The following GAS6 variants were observed in gnomAD, a reference collection of about 807,000 sequenced individuals.
GAS6 encodes the protein growth arrest specific 6, also known as growth arrest-specific protein 6.
GAS6 carries 41 observed loss-of-function variants against 75.8 expected under a neutral mutation model. That is an observed-to-expected ratio of 0.54 (90% CI 0.42 to 0.70). GAS6 has a LOEUF of 0.70. GAS6 is among the 30% of genes least tolerant of loss of function. The probability of loss-of-function intolerance (pLI) is 0.00; values close to 1 mark genes in which losing one functional copy is unlikely to be tolerated. For synonymous variants in GAS6, 432 were observed against 412.6 expected, an observed-to-expected ratio of 1.05 and a Z score of -0.57; for missense variants, 854 against 940.2, an observed-to-expected ratio of 0.91 and a Z score of 1.20.
At chr13:113,835,684 CG>C (rs778397598) in intron 6 of GAS6, 49 bp from the exon 7 acceptor site, 284 of 1,599,544 alleles carry the variant, frequency 1.8e-4, no homozygotes, top group Non-Finnish European at 2.3e-4. Context: ...GCATCTCAGA[CG>C]GGGCTGGGGC....
intron 10 of GAS6, among the ~76,000 whole-genome samples, chr13:113,831,548 C>G (rs549399189): frequency 6.6e-6 from 1 of 152,164 alleles, no homozygotes; most frequent in South Asian, 2.1e-4. Context: ...AGCATGGCCT[C>G]CAGACACAGC....
chr13:113,846,640 A>G, intron 3 of GAS6, 51 bp from the exon 4 acceptor site: 1 of 1,488,004 alleles, frequency 6.7e-7, no homozygotes, highest in Non-Finnish European at 9.4e-7. Flanking sequence ...GACCGGATGG[A>G]CTGCAGAGCC....
At position 113,863,566 on chromosome 13, in the gene GAS6, G is replaced by T; in HGVS notation, c.255+9C>A. 3 of 1,504,394 alleles carry T rather than the reference G, an allele frequency of 2.0e-6. No individual in the cohort carries two copies. Among genetic ancestry groups the T allele is most frequent in the Non-Finnish European group, 1.8e-6 (2 of 1,130,604 alleles). 93.2% of individuals were successfully genotyped at this position (1,504,394 alleles called of 1,614,324 possible). A position where few individuals can be genotyped will look rare whatever the true frequency, so the allele number is the denominator to read the frequency against. On this transcript the variant is annotated intron_variant, in intron 2 of 14. Coordinates refer to ENST00000327773, the MANE Select transcript of GAS6 (RefSeq NM_000820.4). This position sits in a 1 kb window ranked among gnomAD's most constrained non-coding sequence, Gnocchi z 9.4. ...GGGTTCCCCCGCATCCCGCCCGCCG[G>T]CTGCTCACCGTCTCGGGGTCGTTCT...
At chr13:113,821,683 A>T (rs1254567572) in intron 14 of GAS6, 4 of 479,232 alleles carry the variant, frequency 8.3e-6, no homozygotes, top group African/African-American at 7.8e-5. Context: ...ATGGGTGTGG[A>T]CGAATGCTCC....
At chr13:113,858,616 T>C (rs937904494) in intron 2 of GAS6, among the ~76,000 whole-genome samples, 5 of 146,206 alleles carry the variant, frequency 3.4e-5, no homozygotes, top group African/African-American at 1.3e-4. Flanking sequence ...TGTCTGTGTG[T>C]GCCTATGTAT....
At chr13:113,860,352 T>A (rs915539669) in intron 2 of GAS6, among the ~76,000 whole-genome samples, 1 of 152,186 alleles carries the variant, frequency 6.6e-6, no homozygotes, top group Admixed American at 6.5e-5. Context: ...ACAGCCTGGA[T>A]GATTTTCCGG....
chr13:113,828,132 C>A (rs9577869), intron 11 of GAS6, among the ~76,000 whole-genome samples: 1 of 151,806 alleles, frequency 6.6e-6, no homozygotes, highest in Non-Finnish European at 1.5e-5. Context: ...GACGTGGTGG[C>A]GGGCGCCTGT....
At position 113,835,949 on chromosome 13, in the gene GAS6, G is replaced by C; in HGVS notation, c.590-314C>G. 3.5e-6 allele frequency: 4 copies of C among 1,145,050 alleles called. No homozygotes were observed. The South Asian group carries it at 1.5e-4, about 43-fold the overall frequency. The allele number at this position is 1,145,050 out of a possible 1,614,324, so 70.9% of individuals were successfully genotyped here. On this transcript the variant is annotated intron_variant, in intron 6 of 14. Coordinates refer to ENST00000327773, the MANE Select transcript of GAS6 (RefSeq NM_000820.4). ...GCTGTGCTGTTCCATTTAAATGACG[G>C]TGCTACAGGACACGGGGCCGTAAAA...
intron 5 of GAS6, 131 bp downstream of exon 5, chr13:113,839,597 G>T: frequency 8.3e-7 from 1 of 1,200,234 alleles, no homozygotes; most frequent in Non-Finnish European, 1.2e-6. Context: ...ATACCTCAGG[G>T]CTGCAGCCTC....
rs567431358 is a variant in GAS6, at chr13:113,835,684, C to T, written c.590-49G>A. On this transcript the variant is annotated intron_variant, in intron 6 of 14. Coordinates refer to ENST00000327773, the MANE Select transcript of GAS6 (RefSeq NM_000820.4). ...AACCGCAGCACAGCGGCATCTCAGACGGGGCTGGGGCAGGCGGCTGCAGGG... is the reference window on the plus strand; with the variant it reads ...AACCGCAGCACAGCGGCATCTCAGATGGGGCTGGGGCAGGCGGCTGCAGGG... 19 of 1,599,662 alleles carry T rather than the reference C, an allele frequency of 1.2e-5. 1 individual carries two copies. The South Asian group carries it at 2.0e-4, about 17-fold the overall frequency.
intron 10 of GAS6, among the ~76,000 whole-genome samples, chr13:113,831,743 G>A (rs909941005): frequency 6.6e-6 from 1 of 151,768 alleles, no homozygotes; most frequent in African/African-American, 2.4e-5. Context: ...AAACGGGGCA[G>A]GGGTCCCCGT....
At chr13:113,857,748 G>A (rs1393605491) in intron 2 of GAS6, among the ~76,000 whole-genome samples, 2 of 152,208 alleles carry the variant, frequency 1.3e-5, no homozygotes, top group South Asian at 2.1e-4. Context: ...GACGTTCAGC[G>A]TTTCTCAAAA....
chr13:113,836,095 G>A, intron 6 of GAS6: 2 of 974,568 alleles, frequency 2.1e-6, no homozygotes, highest in South Asian at 9.6e-5. Context: ...ATCTAATGTG[G>A]GACAGATGCT....
At position 113,821,037 on chromosome 13, in the gene GAS6, A is replaced by T; in HGVS notation, c.1883-19T>A. ...GGCACATCTGGGCCGCAGGGAGAGA[A>T]CAACATATCTTAGCTCACCACGTGG... On this transcript the variant is annotated intron_variant, in intron 14 of 14. Coordinates refer to ENST00000327773, the MANE Select transcript of GAS6 (RefSeq NM_000820.4). 1 of 1,610,402 alleles carries T rather than the reference A, an allele frequency of 6.2e-7. No homozygotes were observed. The highest frequency in any genetic ancestry group is 8.5e-7 in the Non-Finnish European group (1 of 1,178,448).
intron 2 of GAS6, among the ~76,000 whole-genome samples, chr13:113,851,581 GTGAC>G (rs147051734): frequency 0.031 from 4,646 of 151,980 alleles, 246 homozygotes; most frequent in African/African-American, 0.11. Context: ...GGGTGAATGG[GTGAC>G]TGGATGGATG....
chr13:113,832,753 C>T lies in GAS6; in HGVS notation c.835-1G>A, dbSNP rs1031332459. ...TGAAGGGCACGCACGGCAAGATGTCCTGCCACGGACGGGGGCCACGCCGGT... is the reference window on the plus strand; with the variant it reads ...TGAAGGGCACGCACGGCAAGATGTCTTGCCACGGACGGGGGCCACGCCGGT... On this transcript the variant is annotated splice_acceptor_variant, in intron 8 of 14. Coordinates refer to ENST00000327773, the MANE Select transcript of GAS6 (RefSeq NM_000820.4). LOFTEE classifies it high-confidence loss of function. The T allele has an allele frequency of 1.9e-6, 3 of 1,612,512 alleles. No homozygotes were observed. In the African/African-American group the frequency reaches 4.0e-5, roughly 22 times the overall value.
At chr13:113,832,795 A>G in intron 8 of GAS6, 43 bp from the exon 9 acceptor site, 1 of 1,610,758 alleles carries the variant, frequency 6.2e-7, no homozygotes, top group Non-Finnish European at 8.5e-7. Context: ...TGTGGCCTTC[A>G]CTCCTGCTCC....
At position 113,863,966 on chromosome 13, in the gene GAS6, AGCCGCGGGC is replaced by A. The variant is rs957704728; in HGVS notation, c.-55_-47del. On this transcript the variant is annotated 5_prime_UTR_variant, in exon 1 of 15. Transcript: ENST00000327773. The surrounding 1 kb of genome is among the most constrained non-coding windows in gnomAD (Gnocchi z 9.4). ...TCAGAGCGCCCGGGAGGCCGAGGCG[AGCCGCGGGC>A]GCCGCGGGGCGGAGGCTCCGGTCAT... 7.7e-6 allele frequency: 8 copies of A among 1,038,632 alleles called. No individual in the cohort carries two copies. In the African/African-American group the frequency reaches 1.0e-4, roughly 13 times the overall value. The allele number at this position is 1,038,632 out of a possible 1,614,324, so 64.3% of individuals were successfully genotyped here. A position where few individuals can be genotyped will look rare whatever the true frequency, so the allele number is the denominator to read the frequency against.
chr13:113,821,862 C>T (rs937868411), intron 14 of GAS6, 96 bp downstream of exon 14: 2 of 1,002,350 alleles, frequency 2.0e-6, no homozygotes, highest in South Asian at 3.4e-5. Flanking sequence ...GCATTCACTA[C>T]CAGAAACCCC....
Sources: allele counts gnomAD v4.1 joint callset (sites outside exome capture counted in the v4.1 genomes callset), GRCh38; gene constraint gnomAD v4.1.1; non-coding constraint Gnocchi (gnomAD v3.1); transcripts MANE v1.5; gene names NCBI Gene and HGNC (gene_info 2026-07-23, HGNC 2026-07-21).